The following KIAA1549L variants were observed in gnomAD, a reference collection of about 807,000 sequenced individuals.
KIAA1549L encodes UPF0606 protein KIAA1549L.
KIAA1549L carries 88 observed loss-of-function variants against 160.7 expected under a neutral mutation model. The ratio of observed to expected loss-of-function variants is 0.55; its 90% CI spans 0.46 to 0.65. The LOEUF (loss-of-function observed/expected upper bound fraction) is 0.65, where lower values mean the gene tolerates loss of function less well. Ranked by LOEUF, KIAA1549L falls within the 30% of genes least tolerant of loss-of-function variation. The pLI, the probability that KIAA1549L is intolerant of heterozygous loss-of-function variation, is 0.00. For synonymous variants in KIAA1549L, 950 were observed against 976.7 expected (o/e 0.97, Z 0.51); for missense variants, 2,258 against 2,437.5 (o/e 0.93, Z 1.55).
At chr11:33,459,694 G>A (rs1851899617) in intron 1 of KIAA1549L, among the ~76,000 whole-genome samples, 1 of 151,986 alleles carries the variant, frequency 6.6e-6, no homozygotes, top group Non-Finnish European at 1.5e-5. Flanking sequence ...GGGCGCGGTG[G>A]CTCATGCCTG....
chr11:33,550,050 A>T (rs2133195514), intron 4 of KIAA1549L, among the ~76,000 whole-genome samples: 2 of 152,076 alleles, frequency 1.3e-5, no homozygotes, highest in African/African-American at 4.8e-5. Context: ...AACAAAAAAA[A>T]AAAACACAAA....
intron 1 of KIAA1549L, among the ~76,000 whole-genome samples, chr11:33,520,684 A>AACACACACACACACACACACAC (rs60029190): frequency 2.0e-4 from 17 of 84,796 alleles, no homozygotes; most frequent in Admixed American, 1.8e-3. Flanking sequence ...CCCCACCCCC[A>AACACACACACACACACACACAC]ACACACACAC....
At chr11:33,575,608 G>T (rs1353479624) in intron 10 of KIAA1549L, among the ~76,000 whole-genome samples, 1 of 152,146 alleles carries the variant, frequency 6.6e-6, no homozygotes, top group Non-Finnish European at 1.5e-5. Context: ...TGCTTAGGTG[G>T]CCCGGATATT....
chr11:33,496,641 C>T (rs1852827009), intron 1 of KIAA1549L, among the ~76,000 whole-genome samples: 1 of 152,140 alleles, frequency 6.6e-6, no homozygotes, highest in Non-Finnish European at 1.5e-5. Flanking sequence ...ACTTGTCTTG[C>T]TTCCACTCTT....
rs75599759 is a variant in KIAA1549L at position 33,453,500 on chromosome 11, G to A, written c.238+76611G>A. 8.4e-3 allele frequency among the ~76,000 whole-genome samples: 1,284 copies of A among 152,286 alleles called. 19 individuals are homozygous for A. Among genetic ancestry groups the A allele is most frequent in the African/African-American group, 0.03 (1,235 of 41,558 alleles). On this transcript the variant is annotated intron_variant, in intron 1 of 20. Transcript: ENST00000658780. ...ATCTAAGACCAGAGGTGTGATTGTT[G>A]TCTCATGCTTAAGGATCCTGGGGAG... is the stretch of plus-strand genomic sequence containing the variant.
intron 10 of KIAA1549L, among the ~76,000 whole-genome samples, chr11:33,581,520 A>G (rs973330741): frequency 2.0e-5 from 3 of 152,070 alleles, no homozygotes; most frequent in Non-Finnish European, 4.4e-5. Context: ...GTGACTTTTC[A>G]TAGAAACGTT....
chr11:33,646,095 A>G (rs1851716995), intron 17 of KIAA1549L, 59 bp downstream of exon 17: 1 of 1,318,180 alleles, frequency 7.6e-7, no homozygotes, highest in East Asian at 2.5e-5. Context: ...GTGAGTTCCA[A>G]CAGGAGACTC....
At chr11:33,399,173 G>A (rs1292956777) in intron 1 of KIAA1549L, among the ~76,000 whole-genome samples, 2 of 151,982 alleles carry the variant, frequency 1.3e-5, no homozygotes, top group East Asian at 1.9e-4. Context: ...GGCTTGTCTC[G>A]AACTCCTGAC....
At chr11:33,495,321 C>T (rs1428971834) in intron 1 of KIAA1549L, among the ~76,000 whole-genome samples, 1 of 150,900 alleles carries the variant, frequency 6.6e-6, no homozygotes, top group Non-Finnish European at 1.5e-5. Context: ...GTTCCCCTTC[C>T]TGTGTCCATG....
chr11:33,613,484 C>G (rs1298926700), intron 15 of KIAA1549L, among the ~76,000 whole-genome samples: 1 of 152,162 alleles, frequency 6.6e-6, no homozygotes, highest in Non-Finnish European at 1.5e-5. Context: ...AGCAAAGCAC[C>G]AGCATCTTCT....
intron 1 of KIAA1549L, among the ~76,000 whole-genome samples, chr11:33,425,704 T>C (rs1851102145): frequency 6.6e-6 from 1 of 152,224 alleles, no homozygotes; most frequent in Non-Finnish European, 1.5e-5. Flanking sequence ...TGGAATTCTA[T>C]TTCACTTTGC....
In KIAA1549L at chr11:33,672,194, CCTAT is replaced by C. The variant is rs1204980457; in HGVS notation, c.*4047_*4050del. On this transcript the variant is annotated 3_prime_UTR_variant, in exon 21 of 21. Coordinates refer to ENST00000658780, the MANE Select transcript of KIAA1549L (RefSeq NM_012194.3). ...GGACTTTCTTCTCTGTTTCCCTCTGCCTATCTATCTGCCTGGTTCTCTTGCTTCT... is the reference window on the plus strand; with the variant it reads ...GGACTTTCTTCTCTGTTTCCCTCTGCCTATCTGCCTGGTTCTCTTGCTTCT... 1 of 152,340 alleles carries C rather than the reference CCTAT, an allele frequency of 6.6e-6. No individual in the cohort carries two copies. Among genetic ancestry groups the C allele is most frequent in the Non-Finnish European group, 1.5e-5 (1 of 68,130 alleles). The allele number at this position is 152,340 out of a possible 1,614,324, so 9.4% of individuals were successfully genotyped here.
At chr11:33,561,769 G>A (rs1204373061) in intron 8 of KIAA1549L, 34 bp downstream of exon 8, 1 of 1,423,048 alleles carries the variant, frequency 7.0e-7, no homozygotes, top group Non-Finnish European at 9.9e-7. Flanking sequence ...CCCTCTTCAT[G>A]CTGTCAGATT....
Position 33,600,024 on chromosome 11 carries a change from A to G in KIAA1549L, c.4879+1077A>G, listed in dbSNP as rs1449950064. Among the ~76,000 whole-genome samples the G allele has an allele frequency of 7.2e-5, 11 of 152,162 alleles. 1 individual carries two copies. The highest frequency in any genetic ancestry group is 3.2e-3 in the Middle Eastern group (1 of 316). ...TTTTTTTTTCCGACTGAAAACGGTA[A>G]GAGCAGAGAAAAGAAAAGAAATAAC... On this transcript the variant is annotated intron_variant, in intron 13 of 20. Coordinates refer to ENST00000658780, the MANE Select transcript of KIAA1549L (RefSeq NM_012194.3).
chr11:33,511,881 C>G (rs1311495156), intron 1 of KIAA1549L, among the ~76,000 whole-genome samples: 1 of 152,184 alleles, frequency 6.6e-6, no homozygotes, highest in African/African-American at 2.4e-5. Context: ...GCTGTAAGGA[C>G]TGGACCAGGT....
intron 12 of KIAA1549L, among the ~76,000 whole-genome samples, chr11:33,598,314 C>T (rs1487023681): frequency 6.6e-6 from 1 of 151,816 alleles, no homozygotes; most frequent in Non-Finnish European, 1.5e-5. Flanking sequence ...TTATTGATGC[C>T]TTTCCTTGGA....
chr11:33,458,704 G>A (rs1277138167), intron 1 of KIAA1549L, among the ~76,000 whole-genome samples: 3 of 152,206 alleles, frequency 2.0e-5, no homozygotes, highest in Non-Finnish European at 4.4e-5. Context: ...GGGAAAAGAG[G>A]GTGATCTAAG....
chr11:33,464,620 A>G (rs1308815192), intron 1 of KIAA1549L, among the ~76,000 whole-genome samples: 1 of 151,966 alleles, frequency 6.6e-6, no homozygotes, highest in Non-Finnish European at 1.5e-5. Flanking sequence ...CAAATAAGTT[A>G]GCATTCCTAT....
rs527400678 is a variant in KIAA1549L, at chr11:33,529,326, C to A, written c.239-12476C>A. Among the ~76,000 whole-genome samples, 5 of 151,448 alleles carry A rather than the reference C, an allele frequency of 3.3e-5. No homozygotes were observed. The South Asian group carries it at 1.0e-3, about 32-fold the overall frequency. ...CTCCAGCCTGGATGACAGAATGAGA[C>A]CCTGTTTCAAAAAAAAAAAAAATTA... On this transcript the variant is annotated intron_variant, in intron 1 of 20. Transcript: ENST00000658780.
Sources: allele counts gnomAD v4.1 joint callset (sites outside exome capture counted in the v4.1 genomes callset), GRCh38; gene constraint gnomAD v4.1.1; transcripts MANE v1.5; gene names NCBI Gene and HGNC (gene_info 2026-07-23, HGNC 2026-07-21).